The following ERG variants were observed in gnomAD, a reference collection of about 807,000 sequenced individuals.
ERG encodes transcriptional regulator ERG.
A neutral mutation model predicts 55.3 loss-of-function variants in ERG; 9 were observed. The observed-to-expected ratio is 0.16, with a 90% CI of 0.10 to 0.28. ERG has a LOEUF of 0.28. ERG is among the 10% of genes least tolerant of loss of function. The pLI is 1.00. For synonymous variants in ERG, 223 were observed against 237.3 expected, an observed-to-expected ratio of 0.94 and a Z score of 0.55; for missense variants, 434 against 631.6, an observed-to-expected ratio of 0.69 and a Z score of 3.35.
intron 1 of ERG, among the ~76,000 whole-genome samples, chr21:38,641,965 TG>T (rs886807404): frequency 3.7e-4 from 57 of 152,344 alleles, no homozygotes; most frequent in Non-Finnish European, 7.4e-4. Flanking sequence ...ATCTGCATTC[TG>T]CACTCAAGAT....
At chr21:38,519,664 A>AT (rs2059579220) in intron 2 of ERG, among the ~76,000 whole-genome samples, 4 of 152,348 alleles carry the variant, frequency 2.6e-5, no homozygotes, top group African/African-American at 4.8e-5. Flanking sequence ...GAATTAGAGA[A>AT]GTAAACAAAG....
intron 1 of ERG, among the ~76,000 whole-genome samples, chr21:38,658,850 G>A (rs1269455890): frequency 6.6e-6 from 1 of 152,158 alleles, no homozygotes; most frequent in African/African-American, 2.4e-5. Context: ...GGAACGTGGA[G>A]GGGGGAATGT....
intron 2 of ERG, among the ~76,000 whole-genome samples, chr21:38,542,176 G>A (rs2059757760): frequency 6.6e-6 from 1 of 152,086 alleles, no homozygotes; most frequent in African/African-American, 2.4e-5. Context: ...TGGTAGAGAT[G>A]ATGGGGTTTC....
chr21:38,404,395 G>C (rs542646564), intron 3 of ERG, among the ~76,000 whole-genome samples: 1 of 152,092 alleles, frequency 6.6e-6, no homozygotes, highest in Non-Finnish European at 1.5e-5. Flanking sequence ...TGGCCATGGC[G>C]AGCACAAACA....
At chr21:38,404,251 T>C (rs1988653819) in intron 3 of ERG, among the ~76,000 whole-genome samples, 1 of 152,122 alleles carries the variant, frequency 6.6e-6, no homozygotes, top group Non-Finnish European at 1.5e-5. Context: ...ACACCAAGAC[T>C]CTAGCCCCTC....
chr21:38,539,644 A>C (rs987605724), intron 2 of ERG, among the ~76,000 whole-genome samples: 1 of 152,160 alleles, frequency 6.6e-6, no homozygotes, highest in African/African-American at 2.4e-5. Flanking sequence ...TTAAGAGGTC[A>C]TTTTGAGCAT....
intron 6 of ERG, among the ~76,000 whole-genome samples, chr21:38,397,596 CAA>C (rs61047146): frequency 0.015 from 1,035 of 67,106 alleles, 3 homozygotes; most frequent in Middle Eastern, 0.036. Flanking sequence ...GACTCCATCT[CAA>C]AAAAAAAAAA....
At chr21:38,451,908 A>G (rs1264720398) in intron 1 of ERG, among the ~76,000 whole-genome samples, 1 of 152,242 alleles carries the variant, frequency 6.6e-6, no homozygotes, top group Non-Finnish European at 1.5e-5. Flanking sequence ...GAAGCTTCAC[A>G]AAGCTGGGTA....
At position 38,391,671 on chromosome 21, in the gene ERG, G is replaced by T. The variant is rs767696935; in HGVS notation, c.859C>A (p.Arg287Ser). ...CCCTGAAACATACCTAACTGAGGACGCTGGTCTTCAGTTTTGGGCACTGTG... is the reference window on the plus strand; with the variant it reads ...CCCTGAAACATACCTAACTGAGGACTCTGGTCTTCAGTTTTGGGCACTGTG... ...PSTVPKTEDQ[R>S]PQLDPYQILG... is the part of the protein sequence containing the mutation. Residue 287 changes from arginine (R) to serine (S), a missense_variant, in exon 8 of 10, where the codon CGT (arginine) becomes AGT (serine). Arg to Ser is a moderately radical substitution (Grantham distance 110, BLOSUM62 -1). Around this residue, in one of 5 missense-constraint regions of ERG, gnomAD observed 99 missense variants for 145.6 expected, o/e 0.68. Coordinates refer to ENST00000288319, the MANE Select transcript of ERG (RefSeq NM_182918.4). The T allele has an allele frequency of 3.7e-6, 6 of 1,613,258 alleles. No individual in the cohort carries two copies. The African/African-American group carries it at 6.7e-5, about 18-fold the overall frequency.
chr21:38,548,810 T>A (rs114907422), intron 2 of ERG, among the ~76,000 whole-genome samples: 1,973 of 148,302 alleles, frequency 0.013, 46 homozygotes, highest in African/African-American at 0.045. Context: ...TTGTAGAAAC[T>A]CTGCAAAGCA....
At chr21:38,387,092 G>A (rs1324557498) in intron 9 of ERG, among the ~76,000 whole-genome samples, 1 of 152,140 alleles carries the variant, frequency 6.6e-6, no homozygotes, top group Non-Finnish European at 1.5e-5. Flanking sequence ...AAAACTAAAC[G>A]GTTTACAAAC....
At chr21:38,402,296 C>T (rs752018821) in intron 5 of ERG, among the ~76,000 whole-genome samples, 20 of 152,110 alleles carry the variant, frequency 1.3e-4, no homozygotes, top group Non-Finnish European at 2.6e-4. Flanking sequence ...TAAGTTATGG[C>T]TAAAGGCAAA....
rs564480617 is a variant in ERG, at chr21:38,612,163, C to T, written c.-149-27218G>A. Among the ~76,000 whole-genome samples the T allele has an allele frequency of 2.4e-4, 36 of 152,268 alleles. No homozygotes were observed. In the South Asian group the frequency reaches 2.5e-3, roughly 11 times the overall value. The stretch of plus-strand genomic sequence containing the variant: ...ATCCAGCGACGTCCTGAATGTGACG[C>T]GTTCCAGTTCACAAAAGAGGAGTCA... On this transcript the variant is annotated intron_variant, in intron 1 of 10. Coordinates refer to the ERG transcript ENST00000398910.
At chr21:38,619,421 TCCC>T (rs2060277257) in intron 1 of ERG, among the ~76,000 whole-genome samples, 1 of 151,920 alleles carries the variant, frequency 6.6e-6, no homozygotes, top group South Asian at 2.1e-4. Context: ...TCCCTCCTGC[TCCC>T]CCATTTAATC....
intron 1 of ERG, among the ~76,000 whole-genome samples, chr21:38,611,815 A>G (rs1032550603): frequency 2.6e-5 from 4 of 152,068 alleles, no homozygotes; most frequent in Admixed American, 6.5e-5. Flanking sequence ...GTGGGCACGG[A>G]GTGGGCAGGC....
At chr21:38,647,477 G>A (rs2060464239) in intron 1 of ERG, among the ~76,000 whole-genome samples, 1 of 152,166 alleles carries the variant, frequency 6.6e-6, no homozygotes, top group Non-Finnish European at 1.5e-5. Flanking sequence ...TATGTATAAT[G>A]CAAAGTACTA....
intron 1 of ERG, among the ~76,000 whole-genome samples, chr21:38,450,250 C>T (rs1392352012): frequency 1.3e-5 from 2 of 150,760 alleles, no homozygotes; most frequent in African/African-American, 2.4e-5. Context: ...TGATGGTGGG[C>T]GCCTGTAGTC....
chr21:38,408,348 C>T (rs1451703998), intron 3 of ERG, among the ~76,000 whole-genome samples: 1 of 152,226 alleles, frequency 6.6e-6, no homozygotes, highest in Non-Finnish European at 1.5e-5. Flanking sequence ...GAGCCAATGC[C>T]TCCATGCCTG....
chr21:38,517,722 G>A (rs966063906), intron 2 of ERG, among the ~76,000 whole-genome samples: 4 of 152,096 alleles, frequency 2.6e-5, no homozygotes, highest in African/African-American at 7.2e-5. Flanking sequence ...TCCATCCACA[G>A]ATGAAATGGT....
Sources: gnomAD v4.1 joint callset for allele counts (sites outside exome capture counted in the v4.1 genomes callset) on GRCh38, gnomAD v4.1.1 for gene constraint, gnomAD v4.1.1 regional missense constraint, MANE v1.5 for transcripts, NCBI Gene and HGNC (gene_info 2026-07-23, HGNC 2026-07-21) for gene names.